The following AGXT variants were observed in gnomAD, a reference collection of about 807,000 sequenced individuals.
AGXT encodes the protein L-alanine: glyoxylate aminotransferase 1.
A neutral mutation model predicts 46.9 loss-of-function variants in AGXT; 41 were observed. The observed-to-expected ratio is 0.88, with a 90% CI of 0.68 to 1.14. The LOEUF is 1.14. AGXT is among the 50% of genes most tolerant of loss of function. The pLI is 0.00. For missense variants in AGXT, 525 were observed against 522.7 expected, an observed-to-expected ratio of 1.00 and a Z score of -0.04; for synonymous variants, 244 against 227.9, an observed-to-expected ratio of 1.07 and a Z score of -0.64.
In AGXT at chr2:240,871,337, CT is replaced by C. The variant is rs1176535461; in HGVS notation, c.424-11del. 5.1e-6 allele frequency: 8 copies of C among 1,567,280 alleles called. No individual in the cohort carries two copies. The highest frequency in any genetic ancestry group is 6.1e-6 in the Non-Finnish European group (7 of 1,156,830). ...CTCTGAGCTCCACCCACAGCCGTCC[CT>C]GCTTCCTCAGGGCCTGGCCCAGCAC... On this transcript the variant is annotated splice_polypyrimidine_tract_variant and intron_variant, in intron 3 of 10. Transcript: ENST00000307503.
At chr2:240,877,944 G>T in intron 9 of AGXT, 78 bp from the exon 10 acceptor site, 1 of 1,575,238 alleles carries the variant, frequency 6.3e-7, no homozygotes, top group Non-Finnish European at 8.6e-7. Flanking sequence ...AGCTGGGGCA[G>T]ATGGTGCAGG....
chr2:240,873,097 C>T, intron 5 of AGXT, 48 bp downstream of exon 5: 1 of 1,523,394 alleles, frequency 6.6e-7, no homozygotes, highest in Non-Finnish European at 9.1e-7. Flanking sequence ...AGCCTTGGGG[C>T]TCCGCGTGCA....
At chr2:240,869,138 C>T in intron 1 of AGXT, 32 bp from the exon 2 acceptor site, 1 of 1,611,054 alleles carries the variant, frequency 6.2e-7, no homozygotes. Flanking sequence ...AGGCGGGGAG[C>T]CTGGGTCTCA....
chr2:240,877,148 G>C (rs768990817), intron 8 of AGXT: 2 of 414,124 alleles, frequency 4.8e-6, no homozygotes, highest in Admixed American at 2.8e-5. Context: ...CAGGTCGGGG[G>C]AGCTGGCCCT....
intron 3 of AGXT, 84 bp from the exon 4 acceptor site, chr2:240,871,265 G>A (rs1166795219): frequency 1.7e-6 from 2 of 1,194,878 alleles, no homozygotes; most frequent in East Asian, 2.5e-5. Flanking sequence ...GCTACCTGGA[G>A]CTGTGCCACC....
rs538015578 is a variant in AGXT at position 240,877,391 on chromosome 2, G to A, written c.847-146G>A. 80 of 772,306 alleles carry A rather than the reference G, an allele frequency of 1.0e-4. 2 individuals are homozygous for A. The South Asian group carries it at 1.1e-3, about 10-fold the overall frequency. 47.8% of individuals were successfully genotyped at this position (772,306 alleles called of 1,614,324 possible). ...CTGCCCTGGGGTAGTCCCAGGCCCT[G>A]CCCCAGGCAAAGTCAAACTGGGGGC... On this transcript the variant is annotated intron_variant, in intron 8 of 10. Transcript: ENST00000307503.
chr2:240,869,496 C>T, intron 2 of AGXT, 134 bp downstream of exon 2: 1 of 1,077,472 alleles, frequency 9.3e-7, no homozygotes, highest in Non-Finnish European at 1.3e-6. Flanking sequence ...GCGCACGAAC[C>T]TCCTGCCAGC....
At chr2:240,878,648 G>A in intron 10 of AGXT, 66 bp from the exon 11 acceptor site, 10 of 1,462,832 alleles carry the variant, frequency 6.8e-6, no homozygotes, top group Non-Finnish European at 8.3e-6. Context: ...GCTCTGGCCA[G>A]CTGTCGGTCA....
rs776459248 is a variant in AGXT at position 240,875,163 on chromosome 2, G to A, written c.735G>A (p.Lys245=). ...CCTTCTCCTTCTACCTGGACATCAAGTGGCTGGCCAACTTCTGGGGCTGTG... is the reference window on the plus strand; with the variant it reads ...CCTTCTCCTTCTACCTGGACATCAAATGGCTGGCCAACTTCTGGGGCTGTG... ...TKPFSFYLDI[K]WLANFWGCDD... is the part of the protein sequence containing the mutation. Residue 245 remains lysine (K), a synonymous_variant, in exon 7 of 11, where the codon AAG becomes AAA. Coordinates refer to ENST00000307503, the MANE Select transcript of AGXT (RefSeq NM_000030.3). The A allele has an allele frequency of 4.3e-6, 7 of 1,613,972 alleles. No individual in the cohort carries two copies. In the South Asian group the frequency reaches 4.4e-5, roughly 10 times the overall value.
Position 240,870,660 on chromosome 2 carries a change from G to C in AGXT, c.375G>C (p.Pro125=), listed in dbSNP as rs754716643. 27 of 1,554,130 alleles carry C rather than the reference G, an allele frequency of 1.7e-5. No individual in the cohort carries two copies. Among genetic ancestry groups the C allele is most frequent in the Non-Finnish European group, 2.4e-5 (27 of 1,148,686 alleles). The change falls in exon 3 of 11, where the codon CCG becomes CCC. Residue 125 remains proline, a synonymous_variant. Coordinates refer to ENST00000307503, the MANE Select transcript of AGXT (RefSeq NM_000030.3). ...TGCACCCAGGAGCCCGAGTGCACCC[G>C]ATGACCAAGGACCCTGGAGGCCACT... ...IGERIGARVH[P]MTKDPGGHYT...
rs757073247 is a variant in AGXT, at chr2:240,873,061, C to A, written c.595+12C>A. ...CATGGACCGGCAAGGTAAGGGTGGGCTCTGAGAGCCCTACCCAGCCCAAGC... is the reference window on the plus strand; with the variant it reads ...CATGGACCGGCAAGGTAAGGGTGGGATCTGAGAGCCCTACCCAGCCCAAGC... On this transcript the variant is annotated intron_variant, in intron 5 of 10. Coordinates refer to ENST00000307503, the MANE Select transcript of AGXT (RefSeq NM_000030.3). The A allele has an allele frequency of 1.9e-6, 3 of 1,612,106 alleles. No individual in the cohort carries two copies. Among genetic ancestry groups the A allele is most frequent in the South Asian group, 2.2e-5 (2 of 91,044 alleles).
intron 8 of AGXT, 72 bp from the exon 9 acceptor site, chr2:240,877,465 C>G: frequency 7.2e-7 from 1 of 1,396,338 alleles, no homozygotes; most frequent in Non-Finnish European, 9.8e-7. Flanking sequence ...TTCTTCCTCC[C>G]GCACCACAGA....
In AGXT at chr2:240,870,496, C is replaced by A; in HGVS notation, c.359-148C>A. The A allele has an allele frequency of 3.4e-6, 3 of 882,858 alleles. No individual in the cohort carries two copies. In the South Asian group the frequency reaches 4.8e-5, roughly 14 times the overall value. The allele number at this position is 882,858 out of a possible 1,614,324, so 54.7% of individuals were successfully genotyped here. A position where few individuals can be genotyped will look rare whatever the true frequency, so the allele number is the denominator to read the frequency against. On this transcript the variant is annotated intron_variant, in intron 2 of 10. Transcript: ENST00000307503. ...CAGAGAGGCTCTCATTGGGCAGAGT[C>A]CACCCTCCTCTTCAGGCAGGCAGCC...
At chr2:240,877,383 C>T (rs916685654) in intron 8 of AGXT, 154 bp from the exon 9 acceptor site, 5 of 742,664 alleles carry the variant, frequency 6.7e-6, no homozygotes, top group Non-Finnish European at 1.2e-5. Flanking sequence ...GGGGTAGTCC[C>T]AGGCCCTGCC....
intron 6 of AGXT, 142 bp from the exon 7 acceptor site, chr2:240,874,967 C>G (rs1166364610): frequency 2.8e-6 from 2 of 715,252 alleles, no homozygotes; most frequent in Non-Finnish European, 5.0e-6. Context: ...CACTCTGGCC[C>G]CTGAGCACAA....
At position 240,873,125 on chromosome 2, in the gene AGXT, C is replaced by G. The variant is rs866224058; in HGVS notation, c.595+76C>G. The G allele has an allele frequency of 6.1e-6, 8 of 1,313,646 alleles. No individual in the cohort carries two copies. The Middle Eastern group carries it at 9.4e-4, about 154-fold the overall frequency. The allele number at this position is 1,313,646 out of a possible 1,614,324, so 81.4% of individuals were successfully genotyped here. On this transcript the variant is annotated intron_variant, in intron 5 of 10. Transcript: ENST00000307503. ...CGCGTGCAGGAAGCCCTGCTGGAAG[C>G]GTGCGTCCAGCAGCCGATGCTGCGG... is the stretch of plus-strand genomic sequence containing the variant.
intron 10 of AGXT, 80 bp from the exon 11 acceptor site, chr2:240,878,634 C>T (rs2059040891): frequency 7.2e-7 from 1 of 1,382,226 alleles, no homozygotes; most frequent in Non-Finnish European, 9.9e-7. Flanking sequence ...GTGAGCCCAT[C>T]CTGGCTCTGG....
rs141835577 is a variant in AGXT at position 240,873,448 on chromosome 2, A to G, written c.595+399A>G. The G allele has an allele frequency of 2.1e-4, 60 of 287,134 alleles. No homozygotes were observed. In the East Asian group the frequency reaches 3.4e-3, roughly 16 times the overall value. 17.8% of individuals were successfully genotyped at this position (287,134 alleles called of 1,614,324 possible). ...TGCGCCCTGCCAGGCTGCCCATAGC[A>G]GTGAGCACCACTGTCAGGGTCACCT... On this transcript the variant is annotated intron_variant, in intron 5 of 10. Coordinates refer to ENST00000307503, the MANE Select transcript of AGXT (RefSeq NM_000030.3).
At chr2:240,871,500 A>G (rs1053971057) in intron 4 of AGXT, 51 bp downstream of exon 4, 14 of 1,503,456 alleles carry the variant, frequency 9.3e-6, no homozygotes, top group East Asian at 2.4e-5. Flanking sequence ...GAGCCAGGCT[A>G]TGGGGAGGGG....
Sources: allele counts gnomAD v4.1 joint callset, GRCh38; gene constraint gnomAD v4.1.1; transcripts MANE v1.5; gene names NCBI Gene and HGNC (gene_info 2026-07-23, HGNC 2026-07-21).